The following STK32B variants were observed in gnomAD, a reference collection of about 807,000 sequenced individuals.
STK32B encodes the protein serine/threonine kinase 32B.
A neutral mutation model predicts 52.6 loss-of-function variants in STK32B; 43 were observed. That is an observed-to-expected ratio of 0.82 (90% CI 0.64 to 1.05). The LOEUF is 1.05. STK32B is among the 50% of genes least tolerant of loss of function. STK32B has a pLI of 0.00. For synonymous variants in STK32B, 238 were observed against 204.3 expected, an observed-to-expected ratio of 1.17 and a Z score of -1.41; for missense variants, 621 against 534.6, an observed-to-expected ratio of 1.16 and a Z score of -1.59.
At position 5,249,219 on chromosome 4, in the gene STK32B, A is replaced by G. The variant is rs143109914; in HGVS notation, c.260+80769A>G. Among the ~76,000 whole-genome samples the G allele has an allele frequency of 6.6e-4, 100 of 152,294 alleles. No individual in the cohort carries two copies. The East Asian group carries it at 0.013, about 20-fold the overall frequency. On this transcript the variant is annotated intron_variant, in intron 3 of 11. Coordinates refer to ENST00000282908, the MANE Select transcript of STK32B (RefSeq NM_018401.3). ...TGGTTTATGGAAGGTTTCTACCTTCATTAACTCAGTTCTCAAAAGAATTCT... is the reference window on the plus strand; with the variant it reads ...TGGTTTATGGAAGGTTTCTACCTTCGTTAACTCAGTTCTCAAAAGAATTCT...
intron 3 of STK32B, among the ~76,000 whole-genome samples, chr4:5,220,429 G>T (rs550301075): frequency 3.5e-4 from 54 of 152,218 alleles, no homozygotes; most frequent in Non-Finnish European, 6.3e-4. Flanking sequence ...AGGCCAGCAT[G>T]AAGAGTTCAG....
At chr4:5,403,914 T>G (rs534504058) in intron 5 of STK32B, among the ~76,000 whole-genome samples, 1 of 152,248 alleles carries the variant, frequency 6.6e-6, no homozygotes, top group East Asian at 1.9e-4. Flanking sequence ...GTGGATGTCT[T>G]GGAACCATAT....
the STK32B span, among the ~76,000 whole-genome samples, chr4:5,033,868 G>C: frequency 6.6e-6 from 1 of 152,192 alleles, no homozygotes; most frequent in African/African-American, 2.4e-5. Context: ...TTGTGGTAGG[G>C]GAGGTGTCTA....
intron 1 of STK32B, among the ~76,000 whole-genome samples, chr4:5,084,060 C>G (rs1055854342): frequency 3.3e-5 from 5 of 152,146 alleles, no homozygotes; most frequent in African/African-American, 1.2e-4. Flanking sequence ...GTTATACTTT[C>G]TATGTCTGTT....
At chr4:5,231,206 C>T (rs1349371977) in intron 3 of STK32B, among the ~76,000 whole-genome samples, 1 of 152,176 alleles carries the variant, frequency 6.6e-6, no homozygotes, top group African/African-American at 2.4e-5. Context: ...CCTGGAGCTC[C>T]AAGAGGGAAG....
intron 1 of STK32B, 59 bp downstream of exon 1, chr4:5,051,974 C>T: frequency 6.5e-7 from 1 of 1,550,154 alleles, no homozygotes; most frequent in Middle Eastern, 1.7e-4. Flanking sequence ...CTCCACCACC[C>T]TCGGCCGAGC....
At chr4:5,273,937 C>T (rs1293803679) in intron 3 of STK32B, among the ~76,000 whole-genome samples, 1 of 150,926 alleles carries the variant, frequency 6.6e-6, no homozygotes, top group African/African-American at 2.4e-5. Flanking sequence ...CACATGTATA[C>T]ATATGTAACT....
chr4:5,022,295 C>T, the STK32B span, among the ~76,000 whole-genome samples: 1 of 152,170 alleles, frequency 6.6e-6, no homozygotes, highest in Non-Finnish European at 1.5e-5. Flanking sequence ...TAAGGTGTGG[C>T]TGAATGGACT....
At chr4:5,238,608 A>C (rs1419778546) in intron 3 of STK32B, among the ~76,000 whole-genome samples, 1 of 152,388 alleles carries the variant, frequency 6.6e-6, no homozygotes, top group African/African-American at 2.4e-5. Context: ...TAAACTGTGG[A>C]TGGAAAAATC....
intron 3 of STK32B, among the ~76,000 whole-genome samples, chr4:5,261,748 GTTATTATTATTACT>G (rs906505304): frequency 4.6e-5 from 7 of 152,162 alleles, no homozygotes; most frequent in Non-Finnish European, 7.4e-5. Context: ...TATTATTATT[GTTATTATTATTACT>G]TTATTATTAT....
At chr4:5,291,204 A>C (rs1274869322) in intron 3 of STK32B, among the ~76,000 whole-genome samples, 1 of 152,088 alleles carries the variant, frequency 6.6e-6, no homozygotes, top group Non-Finnish European at 1.5e-5. Context: ...TTTTGGCAAA[A>C]CTCATAGCTG....
At chr4:5,095,397 T>C (rs1713329100) in intron 1 of STK32B, among the ~76,000 whole-genome samples, 1 of 152,196 alleles carries the variant, frequency 6.6e-6, no homozygotes, top group East Asian at 1.9e-4. Context: ...GGCGGATCAC[T>C]TGAGGCCAGG....
At chr4:5,486,041 C>G (rs1719169746) in intron 11 of STK32B, among the ~76,000 whole-genome samples, 1 of 152,142 alleles carries the variant, frequency 6.6e-6, no homozygotes, top group African/African-American at 2.4e-5. Context: ...ATCAGGGACC[C>G]ACTTGAGGAG....
At chr4:5,127,891 G>A (rs955786023) in intron 1 of STK32B, among the ~76,000 whole-genome samples, 5 of 151,744 alleles carry the variant, frequency 3.3e-5, no homozygotes, top group African/African-American at 9.7e-5. Flanking sequence ...TAAGTCTCAC[G>A]AGATCTGATG....
chr4:5,456,864 G>A lies in STK32B; in HGVS notation c.724G>A (p.Val242Met), dbSNP rs143492079. Residue 242 changes from valine to methionine, a missense_variant, in exon 8 of 12, where the codon GTG becomes ATG. Coordinates refer to ENST00000282908, the MANE Select transcript of STK32B (RefSeq NM_018401.3). ...PIDEILNMFK[V>M]ERVHYSSTWC... ...CGATGAAATCCTCAACATGTTCAAG[G>A]TGGAGCGTGTCCACTACTCCTCCAC... 24 of 1,599,594 alleles carry A rather than the reference G, an allele frequency of 1.5e-5. No individual in the cohort carries two copies. Among genetic ancestry groups the A allele is most frequent in the African/African-American group, 2.7e-5 (2 of 74,788 alleles).
intron 6 of STK32B, among the ~76,000 whole-genome samples, chr4:5,424,831 G>GGGAGAA (rs1394726465): frequency 1.3e-5 from 2 of 152,230 alleles, no homozygotes; most frequent in African/African-American, 4.8e-5. Context: ...AAGGAGAGAA[G>GGGAGAA]GGAGAAGGAG....
At chr4:5,149,967 T>C (rs1717211127) in intron 2 of STK32B, among the ~76,000 whole-genome samples, 1 of 151,980 alleles carries the variant, frequency 6.6e-6, no homozygotes, top group African/African-American at 2.4e-5. Flanking sequence ...TCTCCTTCTT[T>C]CTTGAAGAAT....
At chr4:5,297,542 C>A (rs1422943873) in intron 3 of STK32B, among the ~76,000 whole-genome samples, 1 of 151,316 alleles carries the variant, frequency 6.6e-6, no homozygotes, top group Non-Finnish European at 1.5e-5. Context: ...AATCTCTGAT[C>A]CTTTCTTCCA....
intron 3 of STK32B, among the ~76,000 whole-genome samples, chr4:5,257,695 C>A (rs746796316): frequency 3.9e-5 from 6 of 152,228 alleles, no homozygotes; most frequent in Non-Finnish European, 8.8e-5. Context: ...GTAATCCCAG[C>A]ACTTTGGGAG....
Sources: gnomAD v4.1 joint callset for allele counts (sites outside exome capture counted in the v4.1 genomes callset) on GRCh38, gnomAD v4.1.1 for gene constraint, MANE v1.5 for transcripts, NCBI Gene and HGNC (gene_info 2026-07-23, HGNC 2026-07-21) for gene names.